The following NRG3 variants were observed in gnomAD, a reference collection of about 807,000 sequenced individuals.
NRG3 encodes the protein neuregulin 3.
NRG3 carries 31 observed loss-of-function variants against 66.9 expected under a neutral mutation model. That is an observed-to-expected ratio of 0.46 (90% CI 0.35 to 0.63). The LOEUF (loss-of-function observed/expected upper bound fraction) is 0.63, where lower values mean the gene tolerates loss of function less well. NRG3 is among the 20% of genes least tolerant of loss of function. The probability of loss-of-function intolerance (pLI) is 0.00; values close to 1 mark genes in which losing one functional copy is unlikely to be tolerated. For synonymous variants in NRG3, 393 were observed against 359.4 expected (o/e 1.09, Z -1.06); for missense variants, 910 against 878.9 (o/e 1.04, Z -0.45).
At chr10:82,772,232 T>A (rs950281757) in intron 3 of NRG3, among the ~76,000 whole-genome samples, 1 of 152,190 alleles carries the variant, frequency 6.6e-6, no homozygotes, top group Non-Finnish European at 1.5e-5. Context: ...TGAAACAGAT[T>A]AGCAGATCTA....
intron 1 of NRG3, among the ~76,000 whole-genome samples, chr10:82,155,894 A>G (rs2071149482): frequency 1.3e-5 from 2 of 151,788 alleles, no homozygotes; most frequent in Admixed American, 1.3e-4. Context: ...AGAATCCTCT[A>G]AACTTTAGCT....
intron 4 of NRG3, among the ~76,000 whole-genome samples, chr10:82,923,464 C>T (rs1167693515): frequency 1.3e-5 from 2 of 152,202 alleles, no homozygotes; most frequent in African/African-American, 4.8e-5. Context: ...CCTCTACTAG[C>T]TTGGAAAAAT....
At chr10:82,656,421 A>C (rs1340838427) in intron 2 of NRG3, among the ~76,000 whole-genome samples, 1 of 151,906 alleles carries the variant, frequency 6.6e-6, no homozygotes, top group Non-Finnish European at 1.5e-5. Flanking sequence ...CATTAAACCA[A>C]TTACATAGGT....
At chr10:82,338,916 C>T (rs2082531674) in intron 1 of NRG3, among the ~76,000 whole-genome samples, 1 of 152,168 alleles carries the variant, frequency 6.6e-6, no homozygotes. Context: ...TAAATTTCAT[C>T]TGGGGCTAAA....
intron 7 of NRG3, among the ~76,000 whole-genome samples, chr10:82,974,977 G>A (rs1020612875): frequency 5.3e-5 from 8 of 152,146 alleles, no homozygotes; most frequent in Non-Finnish European, 1.0e-4. Flanking sequence ...CATTCTACAT[G>A]AGTAGAGACT....
At chr10:82,307,132 A>G (rs770210758) in intron 1 of NRG3, among the ~76,000 whole-genome samples, 7 of 152,158 alleles carry the variant, frequency 4.6e-5, no homozygotes, top group Non-Finnish European at 1.0e-4. Context: ...TAGGCACATA[A>G]AAATTGTACT....
At chr10:82,371,168 G>A (rs143338642) in intron 2 of NRG3, among the ~76,000 whole-genome samples, 157 of 152,248 alleles carry the variant, frequency 1.0e-3, no homozygotes, top group Middle Eastern at 3.4e-3. Flanking sequence ...GGGCAGTGAA[G>A]CTCATATTTG....
intron 2 of NRG3, among the ~76,000 whole-genome samples, chr10:82,417,503 C>A (rs751885558): frequency 3.9e-5 from 6 of 152,156 alleles, no homozygotes; most frequent in Non-Finnish European, 8.8e-5. Flanking sequence ...GTGTTTATGT[C>A]ATTCTATAAA....
intron 3 of NRG3, among the ~76,000 whole-genome samples, chr10:82,819,832 C>T (rs990629691): frequency 2.4e-4 from 37 of 152,124 alleles, no homozygotes; most frequent in African/African-American, 8.9e-4. Flanking sequence ...AATAGAGGAG[C>T]ATTGAAAGAG....
chr10:82,581,211 T>C (rs545398935), intron 2 of NRG3, among the ~76,000 whole-genome samples: 3 of 152,172 alleles, frequency 2.0e-5, no homozygotes, highest in Non-Finnish European at 4.4e-5. Flanking sequence ...TTCATAGGCT[T>C]ATTTGCCATC....
At chr10:82,629,551 C>A (rs769738043) in intron 2 of NRG3, among the ~76,000 whole-genome samples, 35 of 152,152 alleles carry the variant, frequency 2.3e-4, no homozygotes, top group Non-Finnish European at 4.0e-4. Context: ...AGAAGTATTT[C>A]TATCCATGGT....
chr10:82,727,418 C>G (rs1157471970), intron 2 of NRG3, among the ~76,000 whole-genome samples: 6 of 152,186 alleles, frequency 3.9e-5, no homozygotes, highest in Non-Finnish European at 7.3e-5. Context: ...CTGCTCCAGC[C>G]ATGACTAAAA....
chr10:82,075,551 T>C (rs548329692), intron 1 of NRG3, among the ~76,000 whole-genome samples: 14 of 152,202 alleles, frequency 9.2e-5, no homozygotes, highest in Non-Finnish European at 2.1e-4. Context: ...CATCATGTAA[T>C]ATGAAAAAAC....
In NRG3 at chr10:82,427,036, C is replaced by T. The variant is rs188090659; in HGVS notation, c.953+68168C>T. Among the ~76,000 whole-genome samples, 471 of 152,088 alleles carry T rather than the reference C, an allele frequency of 3.1e-3. 2 individuals carry two copies. The highest frequency in any genetic ancestry group is 0.021 in the Middle Eastern group (6 of 292). On this transcript the variant is annotated intron_variant, in intron 2 of 8. Coordinates refer to ENST00000372141, the MANE Select transcript of NRG3 (RefSeq NM_001010848.4). Reference sequence around the variant, plus strand: ...TGATTTTTGTATATAGGCCTCATATCGTGCAATCATACTGAACTTTTAAAT... The same window carrying T: ...TGATTTTTGTATATAGGCCTCATATTGTGCAATCATACTGAACTTTTAAAT...
chr10:82,145,737 G>GT (rs2132699743), intron 1 of NRG3, among the ~76,000 whole-genome samples: 1 of 152,244 alleles, frequency 6.6e-6, no homozygotes, highest in South Asian at 2.1e-4. Flanking sequence ...TGTTCACGTT[G>GT]GATAGTAAGT....
chr10:81,934,242 C>A (rs1847655696), intron 1 of NRG3, among the ~76,000 whole-genome samples: 1 of 152,162 alleles, frequency 6.6e-6, no homozygotes, highest in African/African-American at 2.4e-5. Context: ...TGTATGAAAT[C>A]TTCAGTCAAC....
intron 1 of NRG3, among the ~76,000 whole-genome samples, chr10:82,140,322 C>G (rs12249783): frequency 0.063 from 9,650 of 152,166 alleles, 406 homozygotes; most frequent in South Asian, 0.14. Flanking sequence ...AGAAAAGTCT[C>G]TAAACAACTC....
intron 2 of NRG3, among the ~76,000 whole-genome samples, chr10:82,732,096 A>T (rs2057938317): frequency 1.3e-5 from 2 of 152,190 alleles, no homozygotes; most frequent in South Asian, 4.1e-4. Context: ...ATGTTTTAAA[A>T]CATTAAAACA....
chr10:82,253,033 G>A (rs145148818), intron 1 of NRG3, among the ~76,000 whole-genome samples: 2 of 152,108 alleles, frequency 1.3e-5, no homozygotes, highest in East Asian at 3.9e-4. Flanking sequence ...CATTCCCTTT[G>A]CCTCCTCATC....
Sources: allele counts gnomAD v4.1 joint callset (sites outside exome capture counted in the v4.1 genomes callset), GRCh38; gene constraint gnomAD v4.1.1; transcripts MANE v1.5; gene names NCBI Gene and HGNC (gene_info 2026-07-23, HGNC 2026-07-21).